The following FER variants were observed in gnomAD, a reference collection of about 807,000 sequenced individuals.
The protein encoded by FER is FER tyrosine kinase, also known as tyrosine-protein kinase Fer.
FER carries 63 observed loss-of-function variants against 111.0 expected under a neutral mutation model. The ratio of observed to expected loss-of-function variants is 0.57; its 90% confidence interval spans 0.46 to 0.70. FER has a LOEUF of 0.70. Among genes scored for constraint, FER ranks in the 30% least tolerant of loss-of-function variants. The probability of loss-of-function intolerance (pLI) is 0.00; values close to 1 mark genes in which losing one functional copy is unlikely to be tolerated. For missense variants in FER, 914 were observed against 954.0 expected, an observed-to-expected ratio of 0.96 and a Z score of 0.55; for synonymous variants, 327 against 313.9, an observed-to-expected ratio of 1.04 and a Z score of -0.44.
chr5:108,997,578 A>T (rs144393111), intron 13 of FER, among the ~76,000 whole-genome samples: 1 of 151,892 alleles, frequency 6.6e-6, no homozygotes, highest in Non-Finnish European at 1.5e-5. Flanking sequence ...TTCTAATACT[A>T]TGTTCAATAG....
At chr5:108,798,008 T>A in intron 2 of FER, 116 bp from the exon 3 acceptor site, 1 of 539,014 alleles carries the variant, frequency 1.9e-6, no homozygotes, top group Non-Finnish European at 3.3e-6. Context: ...TGGAAGAAAG[T>A]ATTCAGTTGT....
chr5:108,808,603 A>G (rs1757435339), intron 3 of FER, among the ~76,000 whole-genome samples: 1 of 151,832 alleles, frequency 6.6e-6, no homozygotes, highest in Admixed American at 6.6e-5. Context: ...TTCAATATTA[A>G]TATTAATATT....
At chr5:108,763,399 G>A (rs1751977493) in intron 1 of FER, among the ~76,000 whole-genome samples, 1 of 152,194 alleles carries the variant, frequency 6.6e-6, no homozygotes, top group Non-Finnish European at 1.5e-5. Flanking sequence ...ATGAGGGCCA[G>A]GTGTTTACCT....
At chr5:108,975,152 A>G (rs1199780593) in intron 13 of FER, among the ~76,000 whole-genome samples, 2 of 152,220 alleles carry the variant, frequency 1.3e-5, no homozygotes, top group African/African-American at 2.4e-5. Context: ...TAACACAGGA[A>G]CAGAAAACCA....
chr5:108,978,046 C>T (rs372613947), intron 13 of FER, among the ~76,000 whole-genome samples: 8 of 152,208 alleles, frequency 5.3e-5, no homozygotes, highest in East Asian at 1.9e-4. Context: ...GGGGTTTCAC[C>T]GCATTGCCCA....
intron 10 of FER, among the ~76,000 whole-genome samples, chr5:108,918,613 A>C (rs1752589312): frequency 6.6e-6 from 1 of 151,558 alleles, no homozygotes; most frequent in African/African-American, 2.4e-5. Flanking sequence ...CAGCCTCCCG[A>C]GTAGCTGGGA....
intron 2 of FER, among the ~76,000 whole-genome samples, chr5:108,771,091 A>G (rs1469050490): frequency 6.6e-6 from 1 of 151,878 alleles, no homozygotes; most frequent in African/African-American, 2.4e-5. Flanking sequence ...GCCCGCCACC[A>G]TGCCCAGCTA....
chr5:108,855,969 A>G (rs1158898086), intron 5 of FER, among the ~76,000 whole-genome samples: 1 of 149,410 alleles, frequency 6.7e-6, no homozygotes. Flanking sequence ...CAAGATTGGG[A>G]GCTATTACAG....
At chr5:108,757,222 A>G (rs549003093) in intron 1 of FER, among the ~76,000 whole-genome samples, 4 of 152,304 alleles carry the variant, frequency 2.6e-5, no homozygotes, top group African/African-American at 9.6e-5. Context: ...AAATATTTGC[A>G]GTTTTGCTGA....
At chr5:108,849,796 A>C (rs551519225) in intron 5 of FER, among the ~76,000 whole-genome samples, 1 of 152,194 alleles carries the variant, frequency 6.6e-6, no homozygotes, top group Non-Finnish European at 1.5e-5. Flanking sequence ...TAATAAAGCT[A>C]TAAGACTTCT....
At chr5:108,931,053 G>A (rs1246692763) in intron 10 of FER, among the ~76,000 whole-genome samples, 2 of 152,012 alleles carry the variant, frequency 1.3e-5, no homozygotes, top group African/African-American at 4.8e-5. Context: ...ATTATCTTTG[G>A]AAAAGTTATT....
rs187554370 is a variant in FER at position 109,179,016 on chromosome 5, G to A, written c.2049-1731G>A. Among the ~76,000 whole-genome samples the A allele has an allele frequency of 7.2e-5, 11 of 152,070 alleles. No individual in the cohort carries two copies. In the East Asian group the frequency reaches 2.1e-3, roughly 29 times the overall value. On this transcript the variant is annotated intron_variant, in intron 17 of 19. Coordinates refer to ENST00000281092, the MANE Select transcript of FER (RefSeq NM_005246.4). ...TTATTTTTAGATATTTGCCTTATTG[G>A]AACTACTGTAAATGGAATTTATTTT...
intron 13 of FER, among the ~76,000 whole-genome samples, chr5:109,002,405 A>C (rs1293424157): frequency 6.6e-6 from 1 of 151,692 alleles, no homozygotes; most frequent in Non-Finnish European, 1.5e-5. Flanking sequence ...GGTGCTGGGA[A>C]AACTGGCTAG....
intron 3 of FER, among the ~76,000 whole-genome samples, chr5:108,810,388 C>T (rs1008174070): frequency 1.3e-5 from 2 of 152,190 alleles, no homozygotes; most frequent in South Asian, 4.1e-4. Flanking sequence ...GATTTCCCTG[C>T]TCACCTCTCC....
chr5:109,018,017 G>A (rs975658607), intron 13 of FER, among the ~76,000 whole-genome samples: 5 of 151,786 alleles, frequency 3.3e-5, no homozygotes, highest in Non-Finnish European at 2.9e-5. Flanking sequence ...CTTTGTAATA[G>A]TAGGGAAAGA....
At chr5:109,080,081 G>A (rs1776819357) in intron 16 of FER, among the ~76,000 whole-genome samples, 2 of 152,058 alleles carry the variant, frequency 1.3e-5, no homozygotes, top group Non-Finnish European at 2.9e-5. Context: ...TGTATCTAGA[G>A]TGAAAAAGAA....
intron 17 of FER, among the ~76,000 whole-genome samples, chr5:109,155,082 CT>C (rs1463854510): frequency 2.0e-5 from 3 of 151,860 alleles, no homozygotes; most frequent in Admixed American, 2.0e-4. Context: ...AAGCTTTTTA[CT>C]CCCTAGTTCA....
intron 16 of FER, among the ~76,000 whole-genome samples, chr5:109,053,769 C>CA (rs1244447658): frequency 6.8e-6 from 1 of 146,676 alleles, no homozygotes; most frequent in African/African-American, 2.5e-5. Flanking sequence ...TGGCTCACTG[C>CA]AAGCTCCGCC....
chr5:108,754,227 A>G (rs998319046), intron 1 of FER, among the ~76,000 whole-genome samples: 21 of 152,062 alleles, frequency 1.4e-4, no homozygotes, highest in Non-Finnish European at 2.8e-4. Flanking sequence ...CCTGGGTAAC[A>G]TAACGAGACG....
Sources: gnomAD v4.1 joint callset for allele counts (sites outside exome capture counted in the v4.1 genomes callset) on GRCh38, gnomAD v4.1.1 for gene constraint, MANE v1.5 for transcripts, NCBI Gene and HGNC (gene_info 2026-07-23, HGNC 2026-07-21) for gene names.